PHAX: variants seen among roughly 807,000 people sequenced by gnomAD.
The protein encoded by PHAX is phosphorylated adaptor for RNA export.
In PHAX, 31 loss-of-function variants were observed where a neutral mutation model predicts 41.6. The observed-to-expected ratio is 0.75, with a 90% CI of 0.56 to 1.01. The LOEUF is 1.01. PHAX is among the 50% of genes least tolerant of loss of function. The pLI is 0.00. For synonymous variants in PHAX, 175 were observed against 164.9 expected, an observed-to-expected ratio of 1.06 and a Z score of -0.47; for missense variants, 453 against 472.9, an observed-to-expected ratio of 0.96 and a Z score of 0.39.
At chr5:126,613,333 G>A (rs1053486338) in intron 3 of PHAX, among the ~76,000 whole-genome samples, 1 of 152,126 alleles carries the variant, frequency 6.6e-6, no homozygotes, top group Non-Finnish European at 1.5e-5. Flanking sequence ...TGGGCAACAA[G>A]AACATGACTC....
At chr5:126,614,957 A>G (rs1266567943) in intron 3 of PHAX, among the ~76,000 whole-genome samples, 1 of 152,018 alleles carries the variant, frequency 6.6e-6, no homozygotes, top group African/African-American at 2.4e-5. Context: ...AGGTTTCACC[A>G]TGTTAGGCTG....
At chr5:126,606,763 T>A (rs1751993842) in intron 2 of PHAX, among the ~76,000 whole-genome samples, 1 of 152,074 alleles carries the variant, frequency 6.6e-6, no homozygotes. Flanking sequence ...TCAAATCTCC[T>A]GCCTCAGCCT....
intron 3 of PHAX, among the ~76,000 whole-genome samples, chr5:126,613,657 G>A (rs148456767): frequency 1.2e-3 from 179 of 152,290 alleles, no homozygotes; most frequent in African/African-American, 3.8e-3. Flanking sequence ...TTCAGCCTGG[G>A]TGAAGAGCGA....
At chr5:126,607,837 T>C (rs1752014940) in intron 2 of PHAX, among the ~76,000 whole-genome samples, 1 of 152,134 alleles carries the variant, frequency 6.6e-6, no homozygotes, top group South Asian at 2.1e-4. Context: ...TCAGCTGGCA[T>C]AGTGCATGTA....
Position 126,604,196 on chromosome 5 carries a change from A to T in PHAX, c.710+13A>T. ...AAATTTCATTCAGGTGAGCATTTGA[A>T]TTACAAATAAGTACTTGACCAGATG... On this transcript the variant is annotated intron_variant, in intron 2 of 4. Coordinates refer to ENST00000297540, the MANE Select transcript of PHAX (RefSeq NM_032177.4). 6.6e-7 allele frequency: 1 copy of T among 1,517,828 alleles called. No homozygotes were observed. The highest frequency in any genetic ancestry group is 8.8e-7 in the Non-Finnish European group (1 of 1,135,040). The allele number at this position is 1,517,828 out of a possible 1,614,324, so 94.0% of individuals were successfully genotyped here.
intron 4 of PHAX, among the ~76,000 whole-genome samples, chr5:126,620,696 G>A (rs1047652422): frequency 6.6e-6 from 1 of 151,964 alleles, no homozygotes; most frequent in African/African-American, 2.4e-5. Context: ...GAAACACTTG[G>A]AATATCTAAT....
chr5:126,605,499 C>T (rs750000151), intron 2 of PHAX, among the ~76,000 whole-genome samples: 9 of 152,034 alleles, frequency 5.9e-5, no homozygotes, highest in African/African-American at 9.7e-5. Context: ...ATTGCTTGAA[C>T]GTGAGAGAGC....
At chr5:126,624,005 T>G (rs1040784969) in intron 4 of PHAX, among the ~76,000 whole-genome samples, 1 of 144,544 alleles carries the variant, frequency 6.9e-6, no homozygotes, top group Non-Finnish European at 1.5e-5. Context: ...GGTTTGGTTT[T>G]GGGTTTTTTT....
intron 4 of PHAX, among the ~76,000 whole-genome samples, chr5:126,619,352 C>G (rs1004671557): frequency 9.2e-5 from 14 of 152,132 alleles, no homozygotes; most frequent in South Asian, 4.2e-4. Context: ...CCGAGGTGGG[C>G]AGATCAGTTG....
Position 126,625,112 on chromosome 5 carries a change from A to T in PHAX, c.*268A>T, listed in dbSNP as rs547274435. On this transcript the variant is annotated 3_prime_UTR_variant, in exon 5 of 5. Transcript: ENST00000297540. The stretch of plus-strand genomic sequence containing the variant: ...TTATGAGTATTACTAGTTGATAATC[A>T]GTTTTGTCTAGGTCATAACATACCA... The T allele has an allele frequency of 2.9e-5, 11 of 378,936 alleles. No individual in the cohort carries two copies. Among genetic ancestry groups the T allele is most frequent in the Non-Finnish European group, 4.7e-5 (10 of 212,404 alleles). The allele number at this position is 378,936 out of a possible 1,614,324, so 23.5% of individuals were successfully genotyped here. A position where few individuals can be genotyped will look rare whatever the true frequency, so the allele number is the denominator to read the frequency against.
chr5:126,617,055 C>T (rs1328878670), intron 3 of PHAX, among the ~76,000 whole-genome samples, 195 bp from the exon 4 acceptor site: 8 of 152,102 alleles, frequency 5.3e-5, no homozygotes, highest in Non-Finnish European at 7.4e-5. Context: ...TTTTGGCCTT[C>T]ATTTTATAGA....
intron 2 of PHAX, 135 bp from the exon 3 acceptor site, chr5:126,608,229 T>A: frequency 7.2e-6 from 7 of 978,186 alleles, no homozygotes; most frequent in Non-Finnish European, 1.0e-5. Flanking sequence ...TGTCAGTGAT[T>A]CCAAGATTAA....
chr5:126,616,349 G>T (rs191194111), intron 3 of PHAX, among the ~76,000 whole-genome samples: 31 of 152,192 alleles, frequency 2.0e-4, no homozygotes, highest in African/African-American at 7.5e-4. Context: ...ACCCGCCTCG[G>T]CGTCCAAAGT....
intron 4 of PHAX, among the ~76,000 whole-genome samples, chr5:126,618,559 G>C (rs1752222548): frequency 6.6e-6 from 1 of 151,478 alleles, no homozygotes; most frequent in South Asian, 2.1e-4. Flanking sequence ...CCCCTAAGCA[G>C]AATACAGTCT....
intron 3 of PHAX, 70 bp from the exon 4 acceptor site, chr5:126,617,180 C>A: frequency 1.1e-6 from 1 of 884,142 alleles, no homozygotes; most frequent in South Asian, 1.5e-5. Context: ...AATTGTGTCT[C>A]TGTTAAAAGA....
intron 2 of PHAX, 90 bp downstream of exon 2, chr5:126,604,273 C>CA: frequency 1.3e-6 from 1 of 791,608 alleles, no homozygotes. Context: ...ATGATATGTT[C>CA]CTTTTTTTTT....
intron 2 of PHAX, among the ~76,000 whole-genome samples, chr5:126,607,538 G>A (rs1752009766): frequency 1.3e-5 from 2 of 151,862 alleles, no homozygotes; most frequent in Non-Finnish European, 2.9e-5. Flanking sequence ...CAAGTAGCTG[G>A]GATTATAGGC....
At chr5:126,617,509 C>T (rs530299027) in intron 4 of PHAX, among the ~76,000 whole-genome samples, 176 bp downstream of exon 4, 1 of 152,212 alleles carries the variant, frequency 6.6e-6, no homozygotes, top group Admixed American at 6.6e-5. Flanking sequence ...GGCGGAGTCT[C>T]ACTCTGTCAC....
intron 3 of PHAX, among the ~76,000 whole-genome samples, chr5:126,612,274 T>TTC (rs1400214689): frequency 6.6e-6 from 1 of 152,110 alleles, no homozygotes; most frequent in Non-Finnish European, 1.5e-5. Context: ...GCAGAGTGCA[T>TTC]GAGAGAGTGA....
Sources: allele counts gnomAD v4.1 joint callset (sites outside exome capture counted in the v4.1 genomes callset), GRCh38; gene constraint gnomAD v4.1.1; transcripts MANE v1.5; gene names NCBI Gene and HGNC (gene_info 2026-07-23, HGNC 2026-07-21).